ARMH4: variants seen among roughly 807,000 people sequenced by gnomAD.
The protein encoded by ARMH4 is armadillo like helical domain containing 4.
ARMH4 carries 49 observed loss-of-function variants against 61.9 expected under a neutral mutation model. The ratio of observed to expected loss-of-function variants is 0.79; its 90% CI spans 0.63 to 1.00. The LOEUF (loss-of-function observed/expected upper bound fraction) is 1.00. Among genes scored for constraint, ARMH4 ranks in the 50% least tolerant of loss-of-function variants. ARMH4 has a pLI of 0.00. For missense variants in ARMH4, 934 were observed against 930.0 expected (o/e 1.00, Z -0.06); for synonymous variants, 368 against 341.5 (o/e 1.08, Z -0.85).
intron 5 of ARMH4, among the ~76,000 whole-genome samples, chr14:58,070,462 A>G (rs1884848594): frequency 1.3e-5 from 2 of 152,246 alleles, no homozygotes; most frequent in Admixed American, 1.3e-4. Context: ...TAGCAAGGCT[A>G]GAGCAATAAG....
At chr14:58,140,808 AAGG>A (rs1349742638) in intron 1 of ARMH4, among the ~76,000 whole-genome samples, 1 of 151,822 alleles carries the variant, frequency 6.6e-6, no homozygotes, top group Non-Finnish European at 1.5e-5. Flanking sequence ...GAGGCTGAGG[AAGG>A]AGAATCGCTT....
At chr14:58,085,959 T>TA (rs904703151) in intron 5 of ARMH4, among the ~76,000 whole-genome samples, 1 of 152,140 alleles carries the variant, frequency 6.6e-6, no homozygotes, top group Non-Finnish European at 1.5e-5. Context: ...AGAAGTGAGA[T>TA]ACAAAAAGAA....
At chr14:58,083,210 T>G (rs1270156676) in intron 5 of ARMH4, among the ~76,000 whole-genome samples, 1 of 152,150 alleles carries the variant, frequency 6.6e-6, no homozygotes, top group Non-Finnish European at 1.5e-5. Context: ...AGTCCATAAG[T>G]CAACTTTTTT....
intron 5 of ARMH4, among the ~76,000 whole-genome samples, chr14:58,079,333 G>A (rs940649156): frequency 2.6e-5 from 4 of 152,182 alleles, no homozygotes; most frequent in African/African-American, 7.2e-5. Flanking sequence ...TGCATCATCC[G>A]ATGGCAGAAG....
intron 3 of ARMH4, among the ~76,000 whole-genome samples, chr14:58,132,509 C>T (rs1005184129): frequency 6.6e-6 from 1 of 150,814 alleles, no homozygotes; most frequent in South Asian, 2.1e-4. Flanking sequence ...AGAGCCTTCT[C>T]AGGGGGTCTG....
intron 5 of ARMH4, among the ~76,000 whole-genome samples, chr14:58,066,626 G>A (rs1170351798): frequency 6.6e-6 from 1 of 152,172 alleles, no homozygotes; most frequent in Non-Finnish European, 1.5e-5. Context: ...ACAGGGAGAA[G>A]GGGGAACCAT....
chr14:58,087,860 G>GT (rs1885430685), intron 5 of ARMH4, among the ~76,000 whole-genome samples: 1 of 152,180 alleles, frequency 6.6e-6, no homozygotes, highest in African/African-American at 2.4e-5. Flanking sequence ...ATCTAGAACT[G>GT]TTCATCAGAA....
At chr14:58,058,171 G>A (rs1884411634) in intron 5 of ARMH4, among the ~76,000 whole-genome samples, 1 of 152,106 alleles carries the variant, frequency 6.6e-6, no homozygotes, top group African/African-American at 2.4e-5. Context: ...ATATAAAATG[G>A]TGTAGTATTT....
chr14:58,085,002 G>C (rs953715064), intron 5 of ARMH4, among the ~76,000 whole-genome samples: 9 of 152,224 alleles, frequency 5.9e-5, no homozygotes, highest in African/African-American at 2.2e-4. Flanking sequence ...TATGGTCTCA[G>C]TTGGAGACAG....
rs199910312 is a variant in ARMH4, at chr14:58,133,136, T to C, written c.1575A>G (p.Ser525=). ...CAAAAGACAAAGGGACGACTGTAGT[T>C]GAAATTGTAGTGGCCAGAGGCTCCC... is the stretch of plus-strand genomic sequence containing the variant. ...RRWEPLATTI[S]TTVVPLSFEV... The change falls in exon 3 of 8, where the codon TCA becomes TCG. Residue 525 remains serine (S), a synonymous_variant. Transcript: ENST00000267485. 5.0e-6 allele frequency: 8 copies of C among 1,614,130 alleles called. No homozygotes were observed. Among genetic ancestry groups the C allele is most frequent in the Non-Finnish European group, 5.1e-6 (6 of 1,180,036 alleles).
At chr14:58,137,966 T>C in intron 2 of ARMH4, 24 bp downstream of exon 2, 1 of 1,566,676 alleles carries the variant, frequency 6.4e-7, no homozygotes, top group African/African-American at 1.4e-5. Context: ...AACCAAAGTT[T>C]GTTTTTCTTT....
Position 58,139,270 on chromosome 14 carries a change from T to C in ARMH4, c.89A>G (p.Lys30Arg), listed in dbSNP as rs748122572. The change falls in exon 2 of 8, where the codon AAA (lysine) becomes AGA (arginine). Residue 30 changes from lysine to arginine, a missense_variant. Physicochemically the swap from Lys to Arg is conservative, Grantham distance 26. Transcript: ENST00000267485. ...SVATQCLAFP[K>R]IERRREIAHV... Reference sequence around the variant, plus strand: ...TGCTATCTCCCTCCTCCTTTCTATTTTGGGGAAGGCCAGACATTGTGTGGC... The same window carrying C: ...TGCTATCTCCCTCCTCCTTTCTATTCTGGGGAAGGCCAGACATTGTGTGGC... 16 of 1,613,974 alleles carry C rather than the reference T, an allele frequency of 9.9e-6. No homozygotes were observed. Among genetic ancestry groups the C allele is most frequent in the Admixed American group, 6.7e-5 (4 of 59,996 alleles).
At chr14:58,004,993 G>C (rs1349416814) in intron 7 of ARMH4, 55 bp downstream of exon 7, 1 of 1,609,536 alleles carries the variant, frequency 6.2e-7, no homozygotes, top group East Asian at 2.2e-5. Context: ...AAGTAAATTA[G>C]ATAAGCAAAG....
chr14:58,083,754 T>C (rs982615685), intron 5 of ARMH4, among the ~76,000 whole-genome samples: 3 of 152,194 alleles, frequency 2.0e-5, no homozygotes, highest in African/African-American at 7.2e-5. Flanking sequence ...AAATTAAATA[T>C]CCAGAAAAGG....
At chr14:58,044,084 T>C (rs1320683791) in intron 5 of ARMH4, among the ~76,000 whole-genome samples, 1 of 152,142 alleles carries the variant, frequency 6.6e-6, no homozygotes, top group East Asian at 1.9e-4. Flanking sequence ...AAGCTACCAA[T>C]GACTTTCTTC....
At chr14:58,148,258 G>A (rs1005970951) in intron 1 of ARMH4, among the ~76,000 whole-genome samples, 1 of 152,142 alleles carries the variant, frequency 6.6e-6, no homozygotes, top group Non-Finnish European at 1.5e-5. Flanking sequence ...TGTTGGCCAG[G>A]CTGGTCTCGA....
At chr14:58,089,255 G>A (rs1885481378) in intron 5 of ARMH4, among the ~76,000 whole-genome samples, 1 of 152,210 alleles carries the variant, frequency 6.6e-6, no homozygotes, top group Non-Finnish European at 1.5e-5. Context: ...GTTGCAATGA[G>A]GAGCTGTTTG....
chr14:58,081,404 A>T (rs527702489), intron 5 of ARMH4, among the ~76,000 whole-genome samples: 1 of 152,304 alleles, frequency 6.6e-6, no homozygotes, highest in East Asian at 1.9e-4. Flanking sequence ...AAAATGAGTA[A>T]AACAATTATG....
At chr14:58,118,923 T>A (rs925056375) in intron 4 of ARMH4, among the ~76,000 whole-genome samples, 1 of 152,122 alleles carries the variant, frequency 6.6e-6, no homozygotes, top group Non-Finnish European at 1.5e-5. Flanking sequence ...TTAAAAAAAA[T>A]CCAGAGGGAG....
Sources: gnomAD v4.1 joint callset for allele counts (sites outside exome capture counted in the v4.1 genomes callset) on GRCh38, gnomAD v4.1.1 for gene constraint, MANE v1.5 for transcripts, NCBI Gene and HGNC (gene_info 2026-07-23, HGNC 2026-07-21) for gene names.